Variants in DTNA observed in about 807,000 individuals in gnomAD.
DTNA encodes dystrobrevin alpha.
Under a neutral mutation model 100.7 loss-of-function variants are expected in DTNA, and 43 were observed. The observed-to-expected ratio is 0.43, with a 90% confidence interval of 0.33 to 0.55. The LOEUF (loss-of-function observed/expected upper bound fraction) is 0.55. DTNA is among the 20% of genes least tolerant of loss of function. DTNA has a pLI of 0.04. For missense variants in DTNA, 798 were observed against 953.9 expected (o/e 0.84, Z 2.15); for synonymous variants, 349 against 347.9 (o/e 1.00, Z -0.04).
rs1217481922 is a variant in DTNA at position 34,860,225 on chromosome 18, T to A, written c.1646+1827T>A. Among the ~76,000 whole-genome samples, 115 of 129,202 alleles carry A rather than the reference T, an allele frequency of 8.9e-4. 4 individuals are homozygous for A. The highest frequency in any genetic ancestry group is 3.4e-3 in the African/African-American group (107 of 31,892). 84.8% of individuals were successfully genotyped at this position (129,202 alleles called of 152,430 possible). On this transcript the variant is annotated intron_variant, in intron 16 of 22. Transcript: ENST00000444659. ...CCACGCCCGGCTAATTTTTTGTTTT[T>A]TTTTTTTTTTTTTTTTTTTTTTTTG...
At chr18:34,553,222 G>A (rs1250962373) in intron 1 of DTNA, among the ~76,000 whole-genome samples, 3 of 151,858 alleles carry the variant, frequency 2.0e-5, no homozygotes, top group African/African-American at 4.8e-5. Context: ...TTTTGATGGG[G>A]TTGTTTGTTT....
chr18:34,843,488 G>T (rs1233520832), intron 13 of DTNA, among the ~76,000 whole-genome samples: 1 of 152,120 alleles, frequency 6.6e-6, no homozygotes, highest in African/African-American at 2.4e-5. Flanking sequence ...GAGGCTGGAA[G>T]TCCAAGACTA....
rs559260023 is a variant in DTNA, at chr18:34,686,580, A to G, written c.-1-69396A>G. On this transcript the variant is annotated intron_variant, in intron 1 of 19. Coordinates refer to the DTNA transcript ENST00000283365. The stretch of plus-strand genomic sequence containing the variant: ...GATTTTTGCATCAATGTTCATCAGG[A>G]ATATTGGCCTGAAATTTTCTTTTTT... Among the ~76,000 whole-genome samples the G allele has an allele frequency of 2.9e-3, 447 of 152,130 alleles. 2 individuals carry two copies. The highest frequency in any genetic ancestry group is 0.01 in the African/African-American group (418 of 41,504).
intron 1 of DTNA, among the ~76,000 whole-genome samples, chr18:34,496,205 AACACACAC>A (rs367764683): frequency 3.3e-4 from 46 of 138,590 alleles, no homozygotes; most frequent in South Asian, 1.2e-3. Context: ...CCCTCCCTGC[AACACACAC>A]ACACACACAC....
rs1378913616 is a variant in DTNA at position 34,888,849 on chromosome 18, C to T, written c.*1115C>T. ...TACAGGCTTAAAGTGCGCTTGCAAA[C>T]GTTTGCTCTCCTTTTTTTCTGAATG... is the stretch of plus-strand genomic sequence containing the variant. On this transcript the variant is annotated 3_prime_UTR_variant, in exon 23 of 23. Coordinates refer to ENST00000444659, the MANE Select transcript of DTNA (RefSeq NM_001386795.1). The T allele has an allele frequency of 1.4e-5, 14 of 985,772 alleles. No individual in the cohort carries two copies. The highest frequency in any genetic ancestry group is 8.7e-5 in the African/African-American group (5 of 57,250). The allele number at this position is 985,772 out of a possible 1,614,324, so 61.1% of individuals were successfully genotyped here.
intron 13 of DTNA, among the ~76,000 whole-genome samples, chr18:34,840,111 G>A (rs1483285213): frequency 2.0e-5 from 3 of 152,036 alleles, no homozygotes; most frequent in African/African-American, 7.2e-5. Context: ...ATGTGCTTTA[G>A]TACATACATG....
upstream of DTNA, among the ~76,000 whole-genome samples, chr18:34,710,119 A>T (rs1023594714): frequency 6.6e-6 from 1 of 152,188 alleles, no homozygotes; most frequent in African/African-American, 2.4e-5. Flanking sequence ...CAGCAAGAGA[A>T]GCATATTCAA....
At chr18:34,745,599 AG>A (rs1483483895) in intron 1 of DTNA, among the ~76,000 whole-genome samples, 1 of 152,142 alleles carries the variant, frequency 6.6e-6, no homozygotes, top group Non-Finnish European at 1.5e-5. Context: ...CTAGTGCATG[AG>A]GAGCGCATCA....
At chr18:34,738,232 G>A (rs377713755) in intron 1 of DTNA, among the ~76,000 whole-genome samples, 4 of 152,268 alleles carry the variant, frequency 2.6e-5, no homozygotes, top group South Asian at 2.1e-4. Context: ...GCAGTAGGAA[G>A]TCCATCCTGC....
Position 34,875,224 on chromosome 18 carries a change from G to C in DTNA, c.1744-15G>C. The C allele has an allele frequency of 6.2e-7, 1 of 1,612,896 alleles. No individual in the cohort carries two copies. The highest frequency in any genetic ancestry group is 8.5e-7 in the Non-Finnish European group (1 of 1,179,220). ...TCTTGGGAAAGCAAATTAATGACCTGCATTGTCTCTCCAGACTCAGGGGGC... is the reference window on the plus strand; with the variant it reads ...TCTTGGGAAAGCAAATTAATGACCTCCATTGTCTCTCCAGACTCAGGGGGC... On this transcript the variant is annotated splice_polypyrimidine_tract_variant and intron_variant, in intron 17 of 22. Coordinates refer to ENST00000444659, the MANE Select transcript of DTNA (RefSeq NM_001386795.1).
chr18:34,721,935 G>T (rs925390494), intron 1 of DTNA, among the ~76,000 whole-genome samples: 4 of 152,174 alleles, frequency 2.6e-5, no homozygotes, highest in African/African-American at 9.7e-5. Context: ...CAGGAGAAAA[G>T]AAGTCGGGGC....
chr18:34,876,590 A>G (rs983180048), intron 18 of DTNA, among the ~76,000 whole-genome samples: 1 of 152,192 alleles, frequency 6.6e-6, no homozygotes, highest in African/African-American at 2.4e-5. Context: ...CTTTTTGCCT[A>G]GAAGATTAAA....
chr18:34,729,219 A>C (rs1354572662), intron 1 of DTNA, among the ~76,000 whole-genome samples: 1 of 152,228 alleles, frequency 6.6e-6, no homozygotes, highest in Admixed American at 6.5e-5. Context: ...CTTTCAAATA[A>C]GGAAATGGAG....
chr18:34,829,179 CT>C, intron 10 of DTNA: 2 of 1,606,332 alleles, frequency 1.2e-6, no homozygotes, highest in Non-Finnish European at 8.5e-7. Flanking sequence ...GATTATTTCC[CT>C]TTTTTCCCAT....
intron 1 of DTNA, among the ~76,000 whole-genome samples, chr18:34,665,875 A>T (rs952269818): frequency 6.6e-6 from 1 of 152,196 alleles, no homozygotes; most frequent in Non-Finnish European, 1.5e-5. Flanking sequence ...TAGTGCTGCA[A>T]TAAACATACG....
chr18:34,505,097 C>T (rs1262554959), intron 1 of DTNA, among the ~76,000 whole-genome samples: 1 of 152,202 alleles, frequency 6.6e-6, no homozygotes, highest in Non-Finnish European at 1.5e-5. Context: ...ACTCAAAAAT[C>T]AGTTTCACAG....
chr18:34,634,891 G>C (rs771768625), intron 1 of DTNA, among the ~76,000 whole-genome samples: 5 of 152,058 alleles, frequency 3.3e-5, no homozygotes, highest in Non-Finnish European at 5.9e-5. Context: ...TAGTCACTGC[G>C]TTGTGCTGAA....
intron 1 of DTNA, chr18:34,513,891 A>G (rs1034526892): frequency 1.3e-5 from 2 of 152,170 alleles, no homozygotes; most frequent in Non-Finnish European, 2.9e-5. Flanking sequence ...AATCTCTTCA[A>G]TAGAAACCTA....
chr18:34,499,910 T>A (rs1245035904), intron 1 of DTNA, among the ~76,000 whole-genome samples: 1 of 152,212 alleles, frequency 6.6e-6, no homozygotes, highest in Non-Finnish European at 1.5e-5. Flanking sequence ...TTTGTTTGGA[T>A]TTATTTTGGG....
Sources: gnomAD v4.1 joint callset for allele counts (sites outside exome capture counted in the v4.1 genomes callset) on GRCh38, gnomAD v4.1.1 for gene constraint, MANE v1.5 for transcripts, NCBI Gene and HGNC (gene_info 2026-07-23, HGNC 2026-07-21) for gene names.